JAKMIP1: variants seen among roughly 807,000 people sequenced by gnomAD.
The protein encoded by JAKMIP1 is janus kinase and microtubule interacting protein 1, also known as janus kinase and microtubule-interacting protein 1.
A neutral mutation model predicts 113.0 loss-of-function variants in JAKMIP1; 33 were observed. That is an observed-to-expected ratio of 0.29 (90% CI 0.22 to 0.39). The LOEUF is 0.39. Ranked by LOEUF, JAKMIP1 falls within the 10% of genes least tolerant of loss-of-function variation. The pLI is 1.00. For missense variants in JAKMIP1, 813 were observed against 1,080.5 expected (o/e 0.75, Z 3.47); for synonymous variants, 480 against 459.9 (o/e 1.04, Z -0.56).
At chr4:6,151,728 G>A (rs79673616) in intron 1 of JAKMIP1, among the ~76,000 whole-genome samples, 2,275 of 152,304 alleles carry the variant, frequency 0.015, 39 homozygotes, top group African/African-American at 0.046. Context: ...AATAGCCATT[G>A]AAGCTGGACG....
chr4:6,141,913 A>T lies in JAKMIP1; in HGVS notation c.-147-28916T>A, dbSNP rs376289667. On this transcript the variant is annotated intron_variant, in intron 1 of 20. Transcript: ENST00000409021. This position sits in a 1 kb window ranked among gnomAD's most constrained non-coding sequence, Gnocchi z 9.4. Reference sequence around the variant, plus strand: ...TAAGGGCGTTAACCGTCTCTCTCTCATTTTAAAAATCAAGTTTACTCCAAT... The same window carrying T: ...TAAGGGCGTTAACCGTCTCTCTCTCTTTTTAAAAATCAAGTTTACTCCAAT... Among the ~76,000 whole-genome samples, 1 of 152,120 alleles carries T rather than the reference A, an allele frequency of 6.6e-6. No individual in the cohort carries two copies. Among genetic ancestry groups the T allele is most frequent in the Non-Finnish European group, 1.5e-5 (1 of 68,028 alleles).
chr4:6,167,877 C>T lies in JAKMIP1; in HGVS notation c.-148+32376G>A, dbSNP rs1047384828. Among the ~76,000 whole-genome samples the T allele has an allele frequency of 3.7e-4, 57 of 152,224 alleles. No homozygotes were observed. Among genetic ancestry groups the T allele is most frequent in the African/African-American group, 1.3e-3 (55 of 41,442 alleles). On this transcript the variant is annotated intron_variant, in intron 1 of 20. Transcript: ENST00000409021. This position sits in a 1 kb window ranked among gnomAD's most constrained non-coding sequence, Gnocchi z 5.3. ...GTTTAGAGCATGCCAGAAATCAGAG[C>T]TGGCTAGGACCAGTCAGGCTGACTG...
intron 1 of JAKMIP1, among the ~76,000 whole-genome samples, chr4:6,191,886 T>C (rs1282600999): frequency 6.9e-6 from 1 of 145,406 alleles, no homozygotes; most frequent in Admixed American, 7.0e-5. Context: ...TCCGTTTTTT[T>C]CATACGTCTT....
At chr4:6,174,741 C>T (rs1725138775) in intron 1 of JAKMIP1, among the ~76,000 whole-genome samples, 1 of 151,606 alleles carries the variant, frequency 6.6e-6, no homozygotes, top group African/African-American at 2.4e-5. Flanking sequence ...TAAAGCCCCA[C>T]CCCCTCCCTG....
intron 3 of JAKMIP1, among the ~76,000 whole-genome samples, chr4:6,101,473 G>A (rs1713018169): frequency 6.6e-6 from 1 of 152,110 alleles, no homozygotes; most frequent in African/African-American, 2.4e-5. Context: ...TAGCTTTGTA[G>A]TAAACTTTGT....
intron 1 of JAKMIP1, among the ~76,000 whole-genome samples, chr4:6,170,940 C>T (rs1724551588): frequency 6.7e-6 from 1 of 150,228 alleles, no homozygotes; most frequent in Non-Finnish European, 1.5e-5. Flanking sequence ...ATCACCACCA[C>T]CACCAGCATC....
Position 6,184,881 on chromosome 4 carries a change from C to T in JAKMIP1, c.-148+15372G>A, listed in dbSNP as rs1281149822. Among the ~76,000 whole-genome samples, 1 of 152,180 alleles carries T rather than the reference C, an allele frequency of 6.6e-6. No homozygotes were observed. Among genetic ancestry groups the T allele is most frequent in the Non-Finnish European group, 1.5e-5 (1 of 68,042 alleles). ...CAGACCTGCCCTCGGTGTGGGTGGG[C>T]ACCATCTCATCAGCTGCCAGCACAG... On this transcript the variant is annotated intron_variant, in intron 1 of 20. Coordinates refer to ENST00000409021, the MANE Select transcript of JAKMIP1 (RefSeq NM_001099433.2). The surrounding 1 kb of genome is among the most constrained non-coding windows in gnomAD (Gnocchi z 4.5).
chr4:6,063,113 G>T (rs1368429745), intron 9 of JAKMIP1, among the ~76,000 whole-genome samples: 1 of 151,872 alleles, frequency 6.6e-6, no homozygotes, highest in Non-Finnish European at 1.5e-5. Flanking sequence ...CCGCACTCTA[G>T]CCTGGGCGAC....
Position 6,105,847 on chromosome 4 carries a change from G to C in JAKMIP1, c.250C>G (p.Leu84Val). Residue 84 changes from leucine to valine, a missense_variant, in exon 3 of 21, where the codon CTG (leucine) becomes GTG (valine). This residue lies in a region of JAKMIP1 where 540 missense variants were observed against 653.9 expected (regional missense o/e 0.83). Coordinates refer to ENST00000409021, the MANE Select transcript of JAKMIP1 (RefSeq NM_001099433.2). ...ATGAGCCCCTCGCGCAGCGCCTGCAGCTCCTTGGTCTTCTCCTCATGCAGC... is the reference window on the plus strand; with the variant it reads ...ATGAGCCCCTCGCGCAGCGCCTGCACCTCCTTGGTCTTCTCCTCATGCAGC... ...AKLHEEKTKE[L>V]QALREGLIRQ... The C allele has an allele frequency of 6.2e-7, 1 of 1,611,886 alleles. No individual in the cohort carries two copies. Among genetic ancestry groups the C allele is most frequent in the Non-Finnish European group, 8.5e-7 (1 of 1,179,858 alleles).
At chr4:6,126,347 C>CCATGCAGAA (rs1185636884) in intron 1 of JAKMIP1, among the ~76,000 whole-genome samples, 15 of 148,486 alleles carry the variant, frequency 1.0e-4, no homozygotes, top group African/African-American at 3.2e-4. Flanking sequence ...CACACACACA[C>CCATGCAGAA]ACACCATGCA....
chr4:6,148,734 A>G (rs1578386057), intron 1 of JAKMIP1, among the ~76,000 whole-genome samples: 1 of 151,894 alleles, frequency 6.6e-6, no homozygotes, highest in Admixed American at 6.6e-5. Context: ...TCCAACTCCC[A>G]CCCGCACACC....
In JAKMIP1 at chr4:6,065,011, G is replaced by A. The variant is rs752184115; in HGVS notation, c.1303-3C>T. 3.7e-6 allele frequency: 6 copies of A among 1,614,160 alleles called. No individual in the cohort carries two copies. Among genetic ancestry groups the A allele is most frequent in the Non-Finnish European group, 5.1e-6 (6 of 1,180,018 alleles). ...AAAAATGTCTCCACAACATGCTTCTGTAAAACGCAATTTGTATGATGTTAG... is the reference window on the plus strand; with the variant it reads ...AAAAATGTCTCCACAACATGCTTCTATAAAACGCAATTTGTATGATGTTAG... On this transcript the variant is annotated splice_polypyrimidine_tract_variant and splice_region_variant and intron_variant, in intron 8 of 20. Coordinates refer to ENST00000409021, the MANE Select transcript of JAKMIP1 (RefSeq NM_001099433.2). This position sits in a 1 kb window ranked among gnomAD's most constrained non-coding sequence, Gnocchi z 5.1.
intron 1 of JAKMIP1, among the ~76,000 whole-genome samples, chr4:6,172,479 C>T (rs1010377805): frequency 3.9e-5 from 6 of 152,168 alleles, no homozygotes; most frequent in South Asian, 2.1e-4. Flanking sequence ...CTTCCAGTTA[C>T]CCCCGAGAAC....
intron 8 of JAKMIP1, among the ~76,000 whole-genome samples, chr4:6,070,631 C>T (rs954584546): frequency 1.3e-5 from 2 of 152,258 alleles, no homozygotes; most frequent in African/African-American, 2.4e-5. Context: ...CGGGGCAGCA[C>T]TAGCAATGGC....
chr4:6,129,025 G>A lies in JAKMIP1; in HGVS notation c.-147-16028C>T, dbSNP rs937934376. Among the ~76,000 whole-genome samples, 1 of 152,224 alleles carries A rather than the reference G, an allele frequency of 6.6e-6. No individual in the cohort carries two copies. The highest frequency in any genetic ancestry group is 1.5e-5 in the Non-Finnish European group (1 of 68,036). On this transcript the variant is annotated intron_variant, in intron 1 of 20. Coordinates refer to ENST00000409021, the MANE Select transcript of JAKMIP1 (RefSeq NM_001099433.2). This position sits in a 1 kb window ranked among gnomAD's most constrained non-coding sequence, Gnocchi z 5.4. ...TCCTTCCACACCATCAGGTTTAGTT[G>A]AATCTCCAGTACCAGGCAAGGTGCC...
chr4:6,098,098 C>T (rs918373324), intron 3 of JAKMIP1, among the ~76,000 whole-genome samples: 3 of 152,154 alleles, frequency 2.0e-5, no homozygotes, highest in African/African-American at 7.2e-5. Flanking sequence ...ACCACGCCTG[C>T]CTGAGCACAC....
chr4:6,045,247 C>T (rs767141033), intron 16 of JAKMIP1, among the ~76,000 whole-genome samples: 3 of 152,208 alleles, frequency 2.0e-5, no homozygotes, highest in Admixed American at 2.0e-4. Flanking sequence ...TGGCTGAGGC[C>T]GGTGTCTTTT....
Position 6,108,646 on chromosome 4 carries a change from C to T in JAKMIP1, c.130-2679G>A, listed in dbSNP as rs547108611. Among the ~76,000 whole-genome samples the T allele has an allele frequency of 3.0e-4, 46 of 152,290 alleles. 1 individual carries two copies. The highest frequency in any genetic ancestry group is 5.4e-4 in the Non-Finnish European group (37 of 68,028). ...CCAAGCCACCTGCAGCAGCCCTCCC[C>T]GCCACACCCTCCATGCTCAAAGCCC... On this transcript the variant is annotated intron_variant, in intron 2 of 20. Transcript: ENST00000409021. The surrounding 1 kb of genome is among the most constrained non-coding windows in gnomAD (Gnocchi z 5.6).
At position 6,088,452 on chromosome 4, in the gene JAKMIP1, C is replaced by T. The variant is rs992270196; in HGVS notation, c.625-2823G>A. Among the ~76,000 whole-genome samples the T allele has an allele frequency of 1.9e-4, 29 of 152,166 alleles. No individual in the cohort carries two copies. The highest frequency in any genetic ancestry group is 5.5e-4 in the African/African-American group (23 of 41,442). ...AGCTCCCCACAAAAGACAGCACCGT[C>T]GCGAGCAAGACATCTCCAGGATCCC... On this transcript the variant is annotated intron_variant, in intron 3 of 20. Coordinates refer to ENST00000409021, the MANE Select transcript of JAKMIP1 (RefSeq NM_001099433.2). The surrounding 1 kb of genome is among the most constrained non-coding windows in gnomAD (Gnocchi z 5.5).
Sources: gnomAD v4.1 joint callset for allele counts (sites outside exome capture counted in the v4.1 genomes callset) on GRCh38, gnomAD v4.1.1 for gene constraint, gnomAD v4.1.1 regional missense constraint, Gnocchi (gnomAD v3.1) non-coding constraint, MANE v1.5 for transcripts, NCBI Gene and HGNC (gene_info 2026-07-23, HGNC 2026-07-21) for gene names.